Variants in FER1L6 observed in about 807,000 individuals in gnomAD.
FER1L6 encodes fer-1 like family member 6.
In FER1L6, 177 loss-of-function variants were observed where a neutral mutation model predicts 219.2. The observed-to-expected ratio is 0.81, with a 90% CI of 0.71 to 0.91. The LOEUF is 0.91. Among genes scored for constraint, FER1L6 ranks in the 40% least tolerant of loss-of-function variants. The pLI, the probability that FER1L6 is intolerant of heterozygous loss-of-function variation, is 0.00. For synonymous variants in FER1L6, 768 were observed against 824.3 expected (o/e 0.93, Z 1.17); for missense variants, 2,153 against 2,259.9 (o/e 0.95, Z 0.96).
At chr8:123,996,225 T>A (rs1342872230) in intron 12 of FER1L6, among the ~76,000 whole-genome samples, 1 of 152,152 alleles carries the variant, frequency 6.6e-6, no homozygotes, top group Non-Finnish European at 1.5e-5. Context: ...TCTGTCTGGA[T>A]GATTTTTCCA....
chr8:123,944,578 A>G (rs533240428), intron 1 of FER1L6, among the ~76,000 whole-genome samples: 21 of 152,294 alleles, frequency 1.4e-4, no homozygotes, highest in African/African-American at 4.8e-4. Context: ...ATAAATACAC[A>G]TACACGTACA....
chr8:124,107,947 T>G (rs1586352071), intron 39 of FER1L6, among the ~76,000 whole-genome samples: 1 of 152,200 alleles, frequency 6.6e-6, no homozygotes, highest in African/African-American at 2.4e-5. Flanking sequence ...AAAAAATGCA[T>G]GTCTGTGTTA....
chr8:123,889,935 C>G (rs1338169328), intron 1 of FER1L6, among the ~76,000 whole-genome samples: 2 of 151,980 alleles, frequency 1.3e-5, no homozygotes, highest in Non-Finnish European at 2.9e-5. Flanking sequence ...TCCTTGTGCA[C>G]ATTCAGAGAA....
chr8:124,068,035 C>T (rs1057413673), intron 28 of FER1L6, among the ~76,000 whole-genome samples: 6 of 152,104 alleles, frequency 3.9e-5, no homozygotes, highest in African/African-American at 9.7e-5. Flanking sequence ...TGGAATGGAC[C>T]CTTTGGCTCA....
At chr8:123,966,391 C>T in intron 5 of FER1L6, 101 bp downstream of exon 5, 1 of 1,437,488 alleles carries the variant, frequency 7.0e-7, no homozygotes, top group Non-Finnish European at 9.5e-7. Flanking sequence ...CCTCCTGCCT[C>T]CCTCCCTGGC....
At chr8:123,855,365 G>C (rs1816614433) in intron 1 of FER1L6, among the ~76,000 whole-genome samples, 2 of 152,134 alleles carry the variant, frequency 1.3e-5, no homozygotes, top group South Asian at 4.1e-4. Flanking sequence ...ATTTTTTGCT[G>C]TGTCCTCTGC....
intron 1 of FER1L6, among the ~76,000 whole-genome samples, chr8:123,907,700 A>T (rs1435503953): frequency 6.8e-6 from 1 of 147,914 alleles, no homozygotes; most frequent in Non-Finnish European, 1.5e-5. Context: ...ACATGATTGT[A>T]TGAGAGGCCT....
intron 1 of FER1L6, among the ~76,000 whole-genome samples, chr8:123,875,189 A>C (rs10111359): frequency 0.5 from 76,464 of 151,502 alleles, 19,714 homozygotes; most frequent in Middle Eastern, 0.58. Context: ...AGTGAGACTC[A>C]GTCTAAAAAA....
At chr8:124,063,826 A>G (rs1221026066) in intron 25 of FER1L6, among the ~76,000 whole-genome samples, 2 of 152,210 alleles carry the variant, frequency 1.3e-5, no homozygotes, top group Admixed American at 1.3e-4. Flanking sequence ...GACCATTGGC[A>G]GTGAAGGACA....
At chr8:124,018,185 A>G (rs964372658) in intron 16 of FER1L6, among the ~76,000 whole-genome samples, 1 of 152,176 alleles carries the variant, frequency 6.6e-6, no homozygotes, top group Admixed American at 6.5e-5. Flanking sequence ...ACAGTTGCTC[A>G]GTTCTTCTTC....
chr8:123,993,569 A>T (rs10111829), intron 12 of FER1L6, among the ~76,000 whole-genome samples: 8,199 of 152,190 alleles, frequency 0.054, 535 homozygotes, highest in African/African-American at 0.16. Flanking sequence ...ACTGCAGCTG[A>T]GCCTCTGTTA....
chr8:123,975,683 T>A (rs1330412960), intron 8 of FER1L6, among the ~76,000 whole-genome samples: 1 of 152,240 alleles, frequency 6.6e-6, no homozygotes, highest in Non-Finnish European at 1.5e-5. Context: ...ACAGTATTTA[T>A]CCTATCCTAG....
At chr8:123,873,000 C>T (rs1816949976) in intron 1 of FER1L6, among the ~76,000 whole-genome samples, 1 of 152,214 alleles carries the variant, frequency 6.6e-6, no homozygotes, top group Non-Finnish European at 1.5e-5. Flanking sequence ...CAGAGAGTCA[C>T]AAAATCCTGC....
rs754540455 is a variant in FER1L6, at chr8:124,097,786, T to C, written c.4786T>C (p.Tyr1596His). The change falls in exon 37 of 41, where the codon TAC (tyrosine) becomes CAC (histidine). Residue 1596 changes from tyrosine to histidine, a missense_variant and splice_region_variant. Coordinates refer to ENST00000522917, the MANE Select transcript of FER1L6 (RefSeq NM_001039112.2). ...TAATGCTTCCTTCTCCCATCCCAGA[T>C]ACGAATTGAGAGTGACCATCTGGAA... ...VDISPRRPKG[Y>H]ELRVTIWNTE... 22 of 1,555,282 alleles carry C rather than the reference T, an allele frequency of 1.4e-5. No homozygotes were observed. Among genetic ancestry groups the C allele is most frequent in the African/African-American group, 2.7e-5 (2 of 73,734 alleles).
chr8:124,037,662 G>C (rs1230236875), intron 19 of FER1L6, among the ~76,000 whole-genome samples: 1 of 152,194 alleles, frequency 6.6e-6, no homozygotes, highest in Admixed American at 6.5e-5. Context: ...TATGGTTGCT[G>C]TGTTCTCAGG....
chr8:124,029,000 A>G (rs1818839587), intron 18 of FER1L6, among the ~76,000 whole-genome samples: 1 of 151,636 alleles, frequency 6.6e-6, no homozygotes, highest in South Asian at 2.1e-4. Flanking sequence ...TCATTGTTCA[A>G]CTCCCACTTA....
Position 124,023,983 on chromosome 8 carries a change from G to A in FER1L6, c.2286+387G>A, listed in dbSNP as rs1434653630. Among the ~76,000 whole-genome samples the A allele has an allele frequency of 4.0e-5, 6 of 150,374 alleles. No homozygotes were observed. The South Asian group carries it at 6.4e-4, about 16-fold the overall frequency. ...GTGACCTCGGCTCACTGCAACCTCC[G>A]CCTCCCGGATTCAAGTGATTCTCCT... On this transcript the variant is annotated intron_variant, in intron 18 of 40. Coordinates refer to ENST00000522917, the MANE Select transcript of FER1L6 (RefSeq NM_001039112.2).
chr8:123,997,338 T>C (rs752109271), intron 12 of FER1L6, among the ~76,000 whole-genome samples: 9 of 152,168 alleles, frequency 5.9e-5, no homozygotes, highest in Non-Finnish European at 1.3e-4. Flanking sequence ...ATATGACATG[T>C]CACTCTCTCC....
At chr8:124,032,784 A>C (rs1819029972) in intron 18 of FER1L6, among the ~76,000 whole-genome samples, 1 of 152,208 alleles carries the variant, frequency 6.6e-6, no homozygotes, top group African/African-American at 2.4e-5. Context: ...ACCCTGCAGA[A>C]TCTCAGATGT....
Sources: allele counts gnomAD v4.1 joint callset (sites outside exome capture counted in the v4.1 genomes callset), GRCh38; gene constraint gnomAD v4.1.1; transcripts MANE v1.5; gene names NCBI Gene and HGNC (gene_info 2026-07-23, HGNC 2026-07-21).